ADAMTSL2: variants seen among roughly 807,000 people sequenced by gnomAD.
The protein encoded by ADAMTSL2 is ADAMTS-like protein 2.
Under a neutral mutation model 117.0 loss-of-function variants are expected in ADAMTSL2, and 55 were observed. The ratio of observed to expected loss-of-function variants is 0.47; its 90% CI spans 0.38 to 0.59. The LOEUF is 0.59. ADAMTSL2 is among the 20% of genes least tolerant of loss of function. The pLI is 0.00. For synonymous variants in ADAMTSL2, 572 were observed against 566.4 expected (o/e 1.01, Z -0.14); for missense variants, 1,182 against 1,354.5 (o/e 0.87, Z 2.00).
chr9:133,556,343 CAG>C (rs1465329824), intron 11 of ADAMTSL2, among the ~76,000 whole-genome samples: 1 of 152,176 alleles, frequency 6.6e-6, no homozygotes, highest in African/African-American at 2.4e-5. Context: ...ATTGTGGGCT[CAG>C]AGAGAGCTAG....
At chr9:133,539,623 A>G (rs901624165) in intron 4 of ADAMTSL2, 148 bp from the exon 5 acceptor site, 6 of 114,908 alleles carry the variant, frequency 5.2e-5, no homozygotes, top group African/African-American at 1.4e-4. Flanking sequence ...CAGGAGCCCT[A>G]GAGGCCACCC....
At position 133,575,081 on chromosome 9, in the gene ADAMTSL2, G is replaced by A; in HGVS notation, c.*217G>A. 1.7e-6 allele frequency: 1 copy of A among 584,760 alleles called. No homozygotes were observed. The highest frequency in any genetic ancestry group is 2.8e-5 in the East Asian group (1 of 35,312). The allele number at this position is 584,760 out of a possible 1,614,324, so 36.2% of individuals were successfully genotyped here. ...CACCCAGTGGCCTCCCCCAGACAGA[G>A]CCACCCCTGCCGTGGGAACCTGTCC... is the stretch of plus-strand genomic sequence containing the variant. On this transcript the variant is annotated 3_prime_UTR_variant, in exon 19 of 19. Coordinates refer to ENST00000651351, the MANE Select transcript of ADAMTSL2 (RefSeq NM_014694.4).
chr9:133,543,052 G>A (rs190806227), intron 7 of ADAMTSL2, among the ~76,000 whole-genome samples: 123 of 151,870 alleles, frequency 8.1e-4, no homozygotes, highest in African/African-American at 2.6e-3. Flanking sequence ...GGGTTCCAGC[G>A]ATTCTCCTGC....
chr9:133,570,333 C>T lies in ADAMTSL2; in HGVS notation c.2418C>T (p.Cys806=). Residue 806 remains cysteine (C), a splice_region_variant and synonymous_variant, in exon 17 of 19, where the codon TGC becomes TGT. Transcript: ENST00000651351. The part of the protein sequence containing the change: ...AHWLAQDWER[C]NTTCGRGVKK... ...CGCTCCCTCTGCCCCGGCCTCAGTG[C>T]AACACCACCTGCGGGCGCGGGGTCA... 1.3e-6 allele frequency: 2 copies of T among 1,544,344 alleles called. No individual in the cohort carries two copies. The highest frequency in any genetic ancestry group is 1.7e-6 in the Non-Finnish European group (2 of 1,146,876).
Position 133,557,075 on chromosome 9 carries a change from G to A in ADAMTSL2, c.1649+1145G>A, listed in dbSNP as rs542275275. ...ATGAACTGAACCCGGCCTGGGCTGG[G>A]AGTGCTGAGTGGGTCTTCCTTGGGG... is the stretch of plus-strand genomic sequence containing the variant. On this transcript the variant is annotated intron_variant, in intron 11 of 18. Coordinates refer to ENST00000651351, the MANE Select transcript of ADAMTSL2 (RefSeq NM_014694.4). This position sits in a 1 kb window ranked among gnomAD's most constrained non-coding sequence, Gnocchi z 5.2. 0.031 allele frequency among the ~76,000 whole-genome samples: 4,711 copies of A among 152,258 alleles called. 101 individuals are homozygous for A. Among genetic ancestry groups the A allele is most frequent in the Non-Finnish European group, 0.047 (3,208 of 68,006 alleles).
intron 12 of ADAMTSL2, among the ~76,000 whole-genome samples, chr9:133,562,693 G>A (rs1338480152): frequency 6.9e-6 from 1 of 144,474 alleles, no homozygotes; most frequent in Non-Finnish European, 1.5e-5. Flanking sequence ...CGCCGTGGGC[G>A]GCGTGGTGGG....
upstream of ADAMTSL2, among the ~76,000 whole-genome samples, chr9:133,532,754 C>T (rs901823151): frequency 6.6e-6 from 1 of 152,146 alleles, no homozygotes; most frequent in East Asian, 1.9e-4. Flanking sequence ...CCCTGTGGGC[C>T]TCAAGTCTGC....
intron 1 of ADAMTSL2, 52 bp from the exon 2 acceptor site, chr9:133,536,511 G>A (rs1830055466): frequency 6.7e-7 from 1 of 1,498,226 alleles, no homozygotes; most frequent in African/African-American, 1.4e-5. Context: ...CATTCACCAA[G>A]CTCCTTCTTG....
chr9:133,538,180 C>T (rs1490924222), intron 3 of ADAMTSL2, among the ~76,000 whole-genome samples, 169 bp from the exon 4 acceptor site: 3 of 152,352 alleles, frequency 2.0e-5, no homozygotes, highest in South Asian at 2.1e-4. Context: ...AAATCTCATT[C>T]CCCCTTGGCT....
intron 8 of ADAMTSL2, 151 bp from the exon 9 acceptor site, chr9:133,546,887 G>T: frequency 1.2e-6 from 1 of 827,870 alleles, no homozygotes; most frequent in Non-Finnish European, 2.1e-6. Flanking sequence ...GCATTCACTG[G>T]CCAGACTCTC....
At chr9:133,545,725 A>G (rs1830332066) in intron 8 of ADAMTSL2, among the ~76,000 whole-genome samples, 1 of 152,202 alleles carries the variant, frequency 6.6e-6, no homozygotes, top group South Asian at 2.1e-4. Context: ...GACGCGTAGA[A>G]ATACCAAGGG....
intron 13 of ADAMTSL2, 63 bp from the exon 14 acceptor site, chr9:133,568,210 G>T (rs1423409292): frequency 6.7e-7 from 1 of 1,501,864 alleles, no homozygotes; most frequent in Admixed American, 1.9e-5. Flanking sequence ...CTGGGGGTGT[G>T]GGTTGCATGG....
In ADAMTSL2 at chr9:133,538,207, G is replaced by A. The variant is rs114697095; in HGVS notation, c.234-142G>A. The A allele has an allele frequency of 4.3e-4, 391 of 908,332 alleles. 3 individuals are homozygous for A. In the African/African-American group the frequency reaches 5.8e-3, roughly 14 times the overall value. The allele number at this position is 908,332 out of a possible 1,614,324, so 56.3% of individuals were successfully genotyped here. On this transcript the variant is annotated intron_variant, in intron 3 of 18. Transcript: ENST00000651351. ...CCCTTGGCTCTGGTGTGTGTACGGGGTGGGAGTTGAGTAGGGAGGAAGGAG... is the reference window on the plus strand; with the variant it reads ...CCCTTGGCTCTGGTGTGTGTACGGGATGGGAGTTGAGTAGGGAGGAAGGAG...
intron 8 of ADAMTSL2, among the ~76,000 whole-genome samples, chr9:133,544,833 G>A (rs1049890521): frequency 6.6e-6 from 1 of 152,174 alleles, no homozygotes; most frequent in Non-Finnish European, 1.5e-5. Context: ...CCTGTCACTC[G>A]AGAGCCTGGC....
intron 12 of ADAMTSL2, 111 bp from the exon 13 acceptor site, chr9:133,566,825 G>A: frequency 7.0e-7 from 1 of 1,431,070 alleles, no homozygotes; most frequent in Non-Finnish European, 9.5e-7. Context: ...TGATCCCCAA[G>A]CCAGAAAGCT....
At position 133,537,433 on chromosome 9, in the gene ADAMTSL2, A is replaced by AG; in HGVS notation, c.125dup (p.Thr43HisfsTer97). On this transcript the variant is annotated frameshift_variant, in exon 3 of 19. Transcript: ENST00000651351. LOFTEE classifies it high-confidence loss of function. ...AACAGCCCAACATCCAATAGCCTGG[A>AG]GGGGGGCACCGACGCCACGGCCTTC... The AG allele has an allele frequency of 3.0e-6, 4 of 1,345,176 alleles. No homozygotes were observed. Among genetic ancestry groups the AG allele is most frequent in the South Asian group, 2.5e-5 (1 of 40,524 alleles). The allele number at this position is 1,345,176 out of a possible 1,614,324, so 83.3% of individuals were successfully genotyped here.
intron 16 of ADAMTSL2, among the ~76,000 whole-genome samples, chr9:133,570,013 C>T (rs1160368487): frequency 1.3e-5 from 2 of 152,228 alleles, no homozygotes; most frequent in Non-Finnish European, 2.9e-5. Flanking sequence ...ACCAGCAGCT[C>T]CCGGCAGGTC....
chr9:133,546,806 G>A (rs957997393), intron 8 of ADAMTSL2, among the ~76,000 whole-genome samples: 1 of 152,198 alleles, frequency 6.6e-6, no homozygotes, highest in Non-Finnish European at 1.5e-5. Context: ...CCAGCCAGCC[G>A]TGTTCAATGT....
rs1830590474 is a variant in ADAMTSL2, at chr9:133,555,705, A to G, written c.1424A>G (p.Asn475Ser). ...AGSDLKDFTL[N>S]ETVNSIFAQG... ...TCTGACTTGAAGGACTTCACCCTCA[A>G]TGAGACTGTGAACAGCATCTTTGCA... Residue 475 changes from asparagine to serine, a missense_variant, in exon 11 of 19, where the codon AAT (asparagine) becomes AGT (serine). Physicochemically the swap from Asn to Ser is conservative, Grantham distance 46. Coordinates refer to ENST00000651351, the MANE Select transcript of ADAMTSL2 (RefSeq NM_014694.4). 1.2e-6 allele frequency: 2 copies of G among 1,613,944 alleles called. No homozygotes were observed. The highest frequency in any genetic ancestry group is 1.6e-4 in the Middle Eastern group (1 of 6,062).
Sources: gnomAD v4.1 joint callset for allele counts (sites outside exome capture counted in the v4.1 genomes callset) on GRCh38, gnomAD v4.1.1 for gene constraint, Gnocchi (gnomAD v3.1) non-coding constraint, MANE v1.5 for transcripts, NCBI Gene and HGNC (gene_info 2026-07-23, HGNC 2026-07-21) for gene names.